The following PPA2 variants were observed in gnomAD, a reference collection of about 807,000 sequenced individuals.
PPA2 encodes the protein inorganic pyrophosphatase 2, also known as inorganic pyrophosphatase 2, mitochondrial.
PPA2 carries 48 observed loss-of-function variants against 49.5 expected under a neutral mutation model. That is an observed-to-expected ratio of 0.97 (90% confidence interval 0.77 to 1.23). PPA2 has a LOEUF of 1.23. PPA2 is among the 50% of genes most tolerant of loss of function. The pLI is 0.00. For synonymous variants in PPA2, 131 were observed against 139.9 expected (o/e 0.94, Z 0.45); for missense variants, 429 against 410.1 (o/e 1.05, Z -0.40).
At chr4:105,410,822 T>C (rs571357155) in intron 7 of PPA2, among the ~76,000 whole-genome samples, 2 of 152,190 alleles carry the variant, frequency 1.3e-5, no homozygotes, top group Non-Finnish European at 2.9e-5. Flanking sequence ...CTAAGCTTCA[T>C]AAGTGAAGGA....
chr4:105,432,334 AC>A (rs1202793601), intron 6 of PPA2, among the ~76,000 whole-genome samples: 1 of 152,158 alleles, frequency 6.6e-6, no homozygotes, highest in Non-Finnish European at 1.5e-5. Context: ...TTTCTTAAAA[AC>A]GTCAATCAAA....
At chr4:105,442,211 T>C (rs1287220757) in intron 5 of PPA2, among the ~76,000 whole-genome samples, 3 of 152,188 alleles carry the variant, frequency 2.0e-5, no homozygotes, top group Non-Finnish European at 2.9e-5. Context: ...CCAGTGTTTT[T>C]ACTACTAGTA....
At chr4:105,471,545 T>C (rs1041781877) in intron 1 of PPA2, among the ~76,000 whole-genome samples, 2 of 152,222 alleles carry the variant, frequency 1.3e-5, no homozygotes, top group Non-Finnish European at 2.9e-5. Context: ...GTAACAATTT[T>C]AGGCCAAGTA....
At chr4:105,422,197 T>A (rs1325197755) in intron 7 of PPA2, among the ~76,000 whole-genome samples, 1 of 152,204 alleles carries the variant, frequency 6.6e-6, no homozygotes, top group Non-Finnish European at 1.5e-5. Context: ...CAAAAACATA[T>A]TATGAATAAG....
intron 7 of PPA2, among the ~76,000 whole-genome samples, chr4:105,422,749 TACTATA>T (rs953459509): frequency 1.6e-4 from 24 of 152,332 alleles, no homozygotes; most frequent in African/African-American, 5.1e-4. Context: ...GAACAATATC[TACTATA>T]ACAGGCACCA....
chr4:105,398,424 A>G (rs893890901), intron 8 of PPA2: 1 of 152,210 alleles, frequency 6.6e-6, no homozygotes, highest in African/African-American at 2.4e-5. Flanking sequence ...CTTATAAAAC[A>G]TACTTACTGG....
chr4:105,448,293 C>T (rs114305340), intron 4 of PPA2, among the ~76,000 whole-genome samples: 1,897 of 152,200 alleles, frequency 0.012, 32 homozygotes, highest in African/African-American at 0.034. Flanking sequence ...ACAAAAAATA[C>T]TGCCAGGACC....
chr4:105,464,690 A>G (rs941748207), intron 1 of PPA2, among the ~76,000 whole-genome samples: 3 of 152,116 alleles, frequency 2.0e-5, no homozygotes, highest in Non-Finnish European at 4.4e-5. Context: ...ATGAGATCTG[A>G]TGATTATATA....
chr4:105,468,976 T>C (rs1723418335), intron 1 of PPA2, among the ~76,000 whole-genome samples: 1 of 152,154 alleles, frequency 6.6e-6, no homozygotes, highest in South Asian at 2.1e-4. Flanking sequence ...CCTGAACACA[T>C]ATACTTAAGC....
rs1578846911 is a variant in PPA2, at chr4:105,424,236, A to G, written c.615T>C (p.Ile205=). ...IDEGETDWKL[I]AINANDPEAS... is the part of the protein sequence containing the mutation. ...CTTCAGGATCATTCGCATTGATAGC[A>G]ATTAATTTCCAATCTGTTTCACCTT... The change falls in exon 7 of 12, where the codon ATT becomes ATC. Residue 205 remains isoleucine (I), a synonymous_variant. Transcript: ENST00000341695. 34 of 1,609,712 alleles carry G rather than the reference A, an allele frequency of 2.1e-5. No individual in the cohort carries two copies. Among genetic ancestry groups the G allele is most frequent in the African/African-American group, 2.7e-5 (2 of 74,814 alleles).
Position 105,379,839 on chromosome 4 carries a change from G to C in PPA2, c.939+6728C>G, listed in dbSNP as rs556521051. On this transcript the variant is annotated intron_variant, in intron 10 of 11. Coordinates refer to ENST00000341695, the MANE Select transcript of PPA2 (RefSeq NM_176869.3). ...AGTAAAGATGGGGTTTCACCATGTT[G>C]GCTAGGCTGGTCTTGAACTCCTGAC... Among the ~76,000 whole-genome samples, 6 of 152,088 alleles carry C rather than the reference G, an allele frequency of 3.9e-5. No homozygotes were observed. The East Asian group carries it at 1.2e-3, about 29-fold the overall frequency.
intron 9 of PPA2, among the ~76,000 whole-genome samples, chr4:105,392,961 A>T (rs1733984440): frequency 6.6e-6 from 1 of 152,214 alleles, no homozygotes. Flanking sequence ...AGAGAAGACG[A>T]AGTAAAAATT....
intron 10 of PPA2, among the ~76,000 whole-genome samples, chr4:105,373,036 G>A (rs1049405699): frequency 2.0e-5 from 3 of 152,008 alleles, no homozygotes; most frequent in African/African-American, 7.3e-5. Context: ...ATGGAGTCTC[G>A]CTAAGTTGCC....
At position 105,414,693 on chromosome 4, in the gene PPA2, GCTCTT is replaced by G. The variant is rs533492300; in HGVS notation, c.655+9498_655+9502del. Among the ~76,000 whole-genome samples the G allele has an allele frequency of 4.2e-4, 64 of 152,348 alleles. 1 individual carries two copies. In the South Asian group the frequency reaches 0.012, roughly 30 times the overall value. The stretch of plus-strand genomic sequence containing the variant: ...GGTCTGGGATCCCTGAAGGGGCCCA[GCTCTT>G]CTCTTCTCCTTGTTGCCTGCAATGT... On this transcript the variant is annotated intron_variant, in intron 7 of 11. Coordinates refer to ENST00000341695, the MANE Select transcript of PPA2 (RefSeq NM_176869.3).
At chr4:105,382,533 A>ACACACATG (rs1230768472) in intron 10 of PPA2, among the ~76,000 whole-genome samples, 2 of 152,306 alleles carry the variant, frequency 1.3e-5, no homozygotes, top group East Asian at 1.9e-4. Context: ...GCATACACAT[A>ACACACATG]CACACATGCA....
chr4:105,406,871 G>A (rs1419944812), intron 7 of PPA2: 1 of 152,048 alleles, frequency 6.6e-6, no homozygotes, highest in African/African-American at 2.4e-5. Flanking sequence ...TTCATTAGAA[G>A]CAATGGGGGC....
chr4:105,398,679 T>G (rs2726453), intron 8 of PPA2: 68,088 of 160,328 alleles, frequency 0.42, 15,160 homozygotes, highest in East Asian at 0.68. Flanking sequence ...TAGGAGGGAG[T>G]CCCCTATGGA....
At chr4:105,473,643 A>C (rs1553930777) in intron 1 of PPA2, 3 of 727,320 alleles carry the variant, frequency 4.1e-6, no homozygotes, top group African/African-American at 1.7e-5. Flanking sequence ...GGCGCTATCT[A>C]CCCCCCAGCC....
chr4:105,387,705 T>C (rs940263446), intron 9 of PPA2, among the ~76,000 whole-genome samples: 5 of 152,138 alleles, frequency 3.3e-5, no homozygotes, highest in African/African-American at 1.2e-4. Context: ...TTTGCCACTA[T>C]AGCACACGTT....
Sources: gnomAD v4.1 joint callset for allele counts (sites outside exome capture counted in the v4.1 genomes callset) on GRCh38, gnomAD v4.1.1 for gene constraint, MANE v1.5 for transcripts, NCBI Gene and HGNC (gene_info 2026-07-23, HGNC 2026-07-21) for gene names.